The following BMERB1 variants were observed in gnomAD, a reference collection of about 807,000 sequenced individuals.
BMERB1 encodes the protein bMERB domain-containing protein 1.
BMERB1 carries 12 observed loss-of-function variants against 23.6 expected under a neutral mutation model. That is an observed-to-expected ratio of 0.51 (90% CI 0.33 to 0.82). The LOEUF is 0.82. Among genes scored for constraint, BMERB1 ranks in the 40% least tolerant of loss-of-function variants. The pLI, the probability that BMERB1 is intolerant of heterozygous loss-of-function variation, is 0.03. For missense variants in BMERB1, 247 were observed against 255.4 expected (o/e 0.97, Z 0.22); for synonymous variants, 122 against 96.6 (o/e 1.26, Z -1.54).
intron 1 of BMERB1, 112 bp from the exon 2 acceptor site, chr16:15,515,193 C>G: frequency 2.7e-6 from 4 of 1,461,928 alleles, no homozygotes; most frequent in Non-Finnish European, 3.7e-6. Context: ...GAAGTCTGTC[C>G]TCAAGGTGTA....
chr16:15,568,680 G>A (rs76218484), intron 3 of BMERB1, among the ~76,000 whole-genome samples: 12 of 151,982 alleles, frequency 7.9e-5, no homozygotes, highest in African/African-American at 1.2e-4. Context: ...CATAAAAATC[G>A]ATGAGATGAT....
chr16:15,495,372 T>A (rs934970964), intron 1 of BMERB1, among the ~76,000 whole-genome samples: 2 of 151,766 alleles, frequency 1.3e-5, no homozygotes, highest in African/African-American at 2.4e-5. Flanking sequence ...AGTTTTTTGT[T>A]TTTTGTTTTT....
chr16:15,504,097 A>G lies in BMERB1; in HGVS notation c.107-11208A>G, dbSNP rs532380464. Among the ~76,000 whole-genome samples, 3 of 152,306 alleles carry G rather than the reference A, an allele frequency of 2.0e-5. No homozygotes were observed. The East Asian group carries it at 5.8e-4, about 29-fold the overall frequency. ...GGGTATGCTTGTTCCCCAATGTTGCAGATGAAGAAACTGAGGTGCCCAGAG... is the reference window on the plus strand; with the variant it reads ...GGGTATGCTTGTTCCCCAATGTTGCGGATGAAGAAACTGAGGTGCCCAGAG... On this transcript the variant is annotated intron_variant, in intron 1 of 5. Coordinates refer to ENST00000300006, the MANE Select transcript of BMERB1 (RefSeq NM_033201.3).
At position 15,520,477 on chromosome 16, in the gene BMERB1, CTTTT is replaced by C. The variant is rs147757819; in HGVS notation, c.230+5067_230+5070del. Reference sequence around the variant, plus strand: ...ACCCAATAGTCCCATCATAGATGTTCTTTTTTTTTTTTTTTTTTTTTGAGACAAG... The same window carrying C: ...ACCCAATAGTCCCATCATAGATGTTCTTTTTTTTTTTTTTTTTGAGACAAG... On this transcript the variant is annotated intron_variant, in intron 2 of 5. Coordinates refer to ENST00000300006, the MANE Select transcript of BMERB1 (RefSeq NM_033201.3). Among the ~76,000 whole-genome samples the C allele has an allele frequency of 2.4e-3, 267 of 109,334 alleles. 2 individuals are homozygous for C. In the South Asian group the frequency reaches 0.033, roughly 14 times the overall value. 71.7% of individuals were successfully genotyped at this position (109,334 alleles called of 152,430 possible).
intron 1 of BMERB1, among the ~76,000 whole-genome samples, chr16:15,506,108 C>G (rs914543307): frequency 8.5e-5 from 13 of 152,054 alleles, no homozygotes; most frequent in African/African-American, 3.1e-4. Flanking sequence ...CCCCTTAGAA[C>G]TGATGTTTAC....
chr16:15,436,049 A>G (rs2050885249), intron 1 of BMERB1, among the ~76,000 whole-genome samples: 1 of 151,604 alleles, frequency 6.6e-6, no homozygotes. Flanking sequence ...TCTTTCTTTA[A>G]TTTTTAAGTG....
At chr16:15,516,923 G>A (rs138696091) in intron 2 of BMERB1, among the ~76,000 whole-genome samples, 18 of 152,256 alleles carry the variant, frequency 1.2e-4, no homozygotes, top group Admixed American at 3.9e-4. Context: ...ATAGCTCACT[G>A]CAGCCTCGAA....
chr16:15,436,075 CAT>C (rs2050885493), intron 1 of BMERB1, among the ~76,000 whole-genome samples: 1 of 151,790 alleles, frequency 6.6e-6, no homozygotes, highest in African/African-American at 2.4e-5. Context: ...AGTGGGTGTC[CAT>C]ATTTATGGAA....
rs186613863 is a variant in BMERB1 at position 15,517,021 on chromosome 16, T to A, written c.230+1593T>A. Among the ~76,000 whole-genome samples, 572 of 152,314 alleles carry A rather than the reference T, an allele frequency of 3.8e-3. 8 individuals are homozygous for A. The highest frequency in any genetic ancestry group is 0.013 in the African/African-American group (553 of 41,558). On this transcript the variant is annotated intron_variant, in intron 2 of 5. Coordinates refer to ENST00000300006, the MANE Select transcript of BMERB1 (RefSeq NM_033201.3). ...AACTGCAGTATTCACAGCTGTCATT[T>A]ATCCAGCCCTTTGCATGTGCAAGAC...
At chr16:15,543,047 A>T (rs2052101336) in intron 2 of BMERB1, among the ~76,000 whole-genome samples, 1 of 152,142 alleles carries the variant, frequency 6.6e-6, no homozygotes, top group Non-Finnish European at 1.5e-5. Flanking sequence ...TCCAGGAAGA[A>T]TCAGGTCACA....
chr16:15,561,248 C>CCCA, intron 2 of BMERB1, among the ~76,000 whole-genome samples: 1 of 143,770 alleles, frequency 7.0e-6, no homozygotes, highest in East Asian at 2.0e-4. Flanking sequence ...TGAGCCACCA[C>CCCA]GCCGGCCATT....
At chr16:15,495,552 G>C (rs954552873) in intron 1 of BMERB1, among the ~76,000 whole-genome samples, 1 of 151,980 alleles carries the variant, frequency 6.6e-6, no homozygotes, top group Non-Finnish European at 1.5e-5. Context: ...TTTTTTAGTA[G>C]AGGTGGGGTT....
At chr16:15,568,836 C>G (rs1056663088) in intron 3 of BMERB1, among the ~76,000 whole-genome samples, 3 of 152,064 alleles carry the variant, frequency 2.0e-5, no homozygotes, top group Non-Finnish European at 2.9e-5. Flanking sequence ...TTAATAATGC[C>G]TGACTTATTT....
chr16:15,555,283 A>G (rs943051842), intron 2 of BMERB1, among the ~76,000 whole-genome samples: 1 of 152,134 alleles, frequency 6.6e-6, no homozygotes, highest in African/African-American at 2.4e-5. Context: ...TATGTTGCCT[A>G]GGCTAATCTC....
intron 1 of BMERB1, among the ~76,000 whole-genome samples, chr16:15,498,211 T>G (rs918620112): frequency 3.9e-5 from 6 of 151,920 alleles, no homozygotes; most frequent in African/African-American, 1.2e-4. Context: ...TAGGTAAGTC[T>G]CATACCTGTG....
chr16:15,560,527 C>T (rs1276844583), intron 2 of BMERB1, among the ~76,000 whole-genome samples: 1 of 152,198 alleles, frequency 6.6e-6, no homozygotes, highest in Non-Finnish European at 1.5e-5. Context: ...CATAGTGGCT[C>T]ATGCCTGTAA....
rs191369961 is a variant in BMERB1, at chr16:15,490,536, A to G, written c.107-24769A>G. Among the ~76,000 whole-genome samples, 36 of 151,248 alleles carry G rather than the reference A, an allele frequency of 2.4e-4. No individual in the cohort carries two copies. The Middle Eastern group carries it at 0.011, about 44-fold the overall frequency. ...GGTCTCAAGCAACCCTCCTGCCTCA[A>G]CCTCCCATAGTTTTGGGATTACAGG... On this transcript the variant is annotated intron_variant, in intron 1 of 5. Coordinates refer to ENST00000300006, the MANE Select transcript of BMERB1 (RefSeq NM_033201.3).
chr16:15,484,393 T>C (rs1268464573), intron 1 of BMERB1, among the ~76,000 whole-genome samples: 1 of 151,690 alleles, frequency 6.6e-6, no homozygotes, highest in Non-Finnish European at 1.5e-5. Flanking sequence ...AAAATTATGC[T>C]CTTCCCCCAA....
chr16:15,534,120 A>G (rs1175525058), intron 2 of BMERB1, among the ~76,000 whole-genome samples: 3 of 151,956 alleles, frequency 2.0e-5, no homozygotes, highest in Non-Finnish European at 4.4e-5. Flanking sequence ...GAGGAGCAAT[A>G]CAATGAGGAT....
Sources: gnomAD v4.1 joint callset for allele counts (sites outside exome capture counted in the v4.1 genomes callset) on GRCh38, gnomAD v4.1.1 for gene constraint, MANE v1.5 for transcripts, NCBI Gene and HGNC (gene_info 2026-07-23, HGNC 2026-07-21) for gene names.